ESCO1: variants seen among roughly 807,000 people sequenced by gnomAD.
ESCO1 encodes establishment of sister chromatid cohesion N-acetyltransferase 1.
A neutral mutation model predicts 83.5 loss-of-function variants in ESCO1; 33 were observed. That is an observed-to-expected ratio of 0.40 (90% CI 0.30 to 0.53). ESCO1 has a LOEUF of 0.53. Among genes scored for constraint, ESCO1 ranks in the 20% least tolerant of loss-of-function variants. The pLI is 0.63. For missense variants in ESCO1, 855 were observed against 968.0 expected, an observed-to-expected ratio of 0.88 and a Z score of 1.55; for synonymous variants, 332 against 324.3, an observed-to-expected ratio of 1.02 and a Z score of -0.25.
chr18:21,583,047 G>C (rs71358433), intron 2 of ESCO1, among the ~76,000 whole-genome samples: 2 of 151,758 alleles, frequency 1.3e-5, no homozygotes, highest in Non-Finnish European at 2.9e-5. Flanking sequence ...AAAAATTAGC[G>C]GGCAGGCACC....
chr18:21,537,389 G>C (rs2037850375), intron 9 of ESCO1, among the ~76,000 whole-genome samples: 1 of 152,108 alleles, frequency 6.6e-6, no homozygotes, highest in Non-Finnish European at 1.5e-5. Context: ...TGTTTTATTA[G>C]CCAGATGTGG....
intron 2 of ESCO1, among the ~76,000 whole-genome samples, chr18:21,583,913 T>C (rs2038538444): frequency 1.3e-5 from 2 of 152,182 alleles, no homozygotes; most frequent in African/African-American, 4.8e-5. Flanking sequence ...GTAAGTTATA[T>C]GGAACCATGA....
chr18:21,538,910 T>A (rs2037869678), intron 9 of ESCO1, among the ~76,000 whole-genome samples: 1 of 152,038 alleles, frequency 6.6e-6, no homozygotes, highest in Admixed American at 6.6e-5. Context: ...CATATTAAAC[T>A]TATTTAAAAA....
intron 8 of ESCO1, among the ~76,000 whole-genome samples, chr18:21,541,225 G>A (rs1354681455): frequency 6.6e-6 from 1 of 152,064 alleles, no homozygotes; most frequent in Non-Finnish European, 1.5e-5. Flanking sequence ...GAAAAGAAAG[G>A]AGCAGAAACA....
intron 9 of ESCO1, among the ~76,000 whole-genome samples, chr18:21,539,446 C>T (rs915608301): frequency 1.3e-5 from 2 of 152,154 alleles, no homozygotes; most frequent in Admixed American, 6.6e-5. Context: ...GGACACACTA[C>T]AAAGTTTAAC....
intron 1 of ESCO1, among the ~76,000 whole-genome samples, chr18:21,593,951 T>C (rs929675368): frequency 5.3e-5 from 8 of 152,308 alleles, no homozygotes; most frequent in Non-Finnish European, 1.2e-4. Flanking sequence ...AGCAGGGTTT[T>C]CCAACTCACC....
intron 5 of ESCO1, 28 bp from the exon 6 acceptor site, chr18:21,566,234 T>C: frequency 1.3e-6 from 2 of 1,595,480 alleles, no homozygotes; most frequent in South Asian, 1.1e-5. Context: ...AGGTGGGTTA[T>C]ATATTGAGTT....
chr18:21,558,287 ATTT>A (rs1568099892), intron 8 of ESCO1, among the ~76,000 whole-genome samples: 1 of 151,840 alleles, frequency 6.6e-6, no homozygotes, highest in Non-Finnish European at 1.5e-5. Flanking sequence ...GTAAGAAAAA[ATTT>A]TCTTACTGTA....
rs963035127 is a variant in ESCO1 at position 21,530,127 on chromosome 18, T to C, written c.*216A>G. On this transcript the variant is annotated 3_prime_UTR_variant, in exon 12 of 12. Coordinates refer to ENST00000269214, the MANE Select transcript of ESCO1 (RefSeq NM_052911.3). ...AACTATAGATAAAATACATCAATCATAAATTTCTGTAAAAGATAATAAAAT... is the reference window on the plus strand; with the variant it reads ...AACTATAGATAAAATACATCAATCACAAATTTCTGTAAAAGATAATAAAAT... 8 of 384,012 alleles carry C rather than the reference T, an allele frequency of 2.1e-5. No individual in the cohort carries two copies. Among genetic ancestry groups the C allele is most frequent in the East Asian group, 3.9e-5 (1 of 25,570 alleles). The allele number at this position is 384,012 out of a possible 1,614,324, so 23.8% of individuals were successfully genotyped here.
intron 2 of ESCO1, among the ~76,000 whole-genome samples, chr18:21,579,754 C>A (rs1170197422): frequency 6.8e-6 from 1 of 147,094 alleles, no homozygotes; most frequent in Non-Finnish European, 1.5e-5. Context: ...CCAGCCTGGG[C>A]AACAGAGCGA....
intron 8 of ESCO1, among the ~76,000 whole-genome samples, chr18:21,557,495 A>G (rs1167864179): frequency 6.6e-5 from 10 of 152,152 alleles, no homozygotes; most frequent in Admixed American, 5.2e-4. Context: ...ATTTATTTAA[A>G]TATTTAATAT....
chr18:21,585,759 A>AT (rs2038566812), intron 1 of ESCO1, among the ~76,000 whole-genome samples: 1 of 152,000 alleles, frequency 6.6e-6, no homozygotes, highest in East Asian at 1.9e-4. Flanking sequence ...TACCTGGCTA[A>AT]TTTTTTTATT....
At chr18:21,579,948 T>A (rs2038478094) in intron 2 of ESCO1, among the ~76,000 whole-genome samples, 1 of 150,228 alleles carries the variant, frequency 6.7e-6, no homozygotes, top group African/African-American at 2.5e-5. Context: ...CAGGCTGGAG[T>A]GCAGTGGCGC....
chr18:21,600,460 C>A (rs1183239516), intron 1 of ESCO1, among the ~76,000 whole-genome samples, 163 bp downstream of exon 1: 1 of 152,248 alleles, frequency 6.6e-6, no homozygotes, highest in African/African-American at 2.4e-5. Context: ...ACCTCCCTCC[C>A]AGGGGCGCGA....
At chr18:21,535,955 C>T in intron 10 of ESCO1, 87 bp downstream of exon 10, 1 of 1,491,430 alleles carries the variant, frequency 6.7e-7, no homozygotes, top group Non-Finnish European at 9.1e-7. Context: ...GAAATGGAGA[C>T]AAATTTATCA....
intron 6 of ESCO1, 80 bp from the exon 7 acceptor site, chr18:21,564,397 C>A: frequency 3.8e-6 from 3 of 795,634 alleles, no homozygotes; most frequent in Non-Finnish European, 5.5e-6. Flanking sequence ...AACTTATTTT[C>A]TTTTTTTTTT....
chr18:21,566,168 T>C lies in ESCO1; in HGVS notation c.1684A>G (p.Thr562Ala), dbSNP rs776285789. ...PQQHSILSNQTSKSSDNRETP... is the reference protein window; with the variant it reads ...PQQHSILSNQASKSSDNRETP... Reference sequence around the variant, plus strand: ...TACCTGTTATCACTGCTTTTAGATGTCTGGTTACTGAGAATACTATGCTGT... The same window carrying C: ...TACCTGTTATCACTGCTTTTAGATGCCTGGTTACTGAGAATACTATGCTGT... Residue 562 changes from threonine (T) to alanine (A), a missense_variant, in exon 6 of 12, where the codon ACA becomes GCA. By Grantham distance (58) the Thr-to-Ala change is moderately conservative. Around this residue, in one of 2 missense-constraint regions of ESCO1, gnomAD observed 726 missense variants for 699.5 expected, o/e 1.04. Coordinates refer to ENST00000269214, the MANE Select transcript of ESCO1 (RefSeq NM_052911.3). 7.4e-6 allele frequency: 12 copies of C among 1,613,406 alleles called. No homozygotes were observed. The South Asian group carries it at 1.1e-4, about 15-fold the overall frequency.
intron 2 of ESCO1, among the ~76,000 whole-genome samples, chr18:21,583,610 C>A (rs2038533672): frequency 6.6e-6 from 1 of 151,702 alleles, no homozygotes; most frequent in African/African-American, 2.4e-5. Flanking sequence ...TGCCACTGCA[C>A]TCCAGGCTGG....
Position 21,580,672 on chromosome 18 carries a change from T to A in ESCO1, c.-694+3638A>T, listed in dbSNP as rs182431477. 6.4e-4 allele frequency among the ~76,000 whole-genome samples: 97 copies of A among 152,220 alleles called. No individual in the cohort carries two copies. In the Middle Eastern group the frequency reaches 0.014, roughly 21 times the overall value. ...ATGAATAAATATAAGTATAAATAAG[T>A]TAGTTTAAAGGAATTTTTTAAAAAG... On this transcript the variant is annotated intron_variant, in intron 2 of 11. Coordinates refer to ENST00000269214, the MANE Select transcript of ESCO1 (RefSeq NM_052911.3).
Sources: gnomAD v4.1 joint callset for allele counts (sites outside exome capture counted in the v4.1 genomes callset) on GRCh38, gnomAD v4.1.1 for gene constraint, gnomAD v4.1.1 regional missense constraint, MANE v1.5 for transcripts, NCBI Gene and HGNC (gene_info 2026-07-23, HGNC 2026-07-21) for gene names.